ALDH5A1: variants seen among roughly 807,000 people sequenced by gnomAD.
The protein encoded by ALDH5A1 is succinate-semialdehyde dehydrogenase, mitochondrial.
In ALDH5A1, 33 loss-of-function variants were observed where a neutral mutation model predicts 54.7. The ratio of observed to expected loss-of-function variants is 0.60; its 90% CI spans 0.46 to 0.81. The LOEUF is 0.81. ALDH5A1 is among the 30% of genes least tolerant of loss of function. The pLI is 0.00. For synonymous variants in ALDH5A1, 294 were observed against 292.7 expected (o/e 1.00, Z -0.05); for missense variants, 657 against 711.0 (o/e 0.92, Z 0.86).
intron 8 of ALDH5A1, among the ~76,000 whole-genome samples, chr6:24,531,557 A>T (rs1759936319): frequency 6.6e-6 from 1 of 152,198 alleles, no homozygotes; most frequent in African/African-American, 2.4e-5. Context: ...ACAATTCTGG[A>T]ACAACAGAAA....
intron 7 of ALDH5A1, among the ~76,000 whole-genome samples, chr6:24,527,684 G>C (rs1158998582): frequency 7.2e-5 from 11 of 152,168 alleles, no homozygotes; most frequent in Admixed American, 6.5e-4. Context: ...AATAACCGCA[G>C]AATGCAATGA....
intron 4 of ALDH5A1, chr6:24,511,916 A>G (rs1280475697): frequency 1.7e-6 from 1 of 577,942 alleles, no homozygotes. Context: ...TTGTTTTTTC[A>G]TATTATCAGA....
At chr6:24,532,069 TC>T (rs779311735) in intron 8 of ALDH5A1, 49 bp from the exon 9 acceptor site, 1 of 1,561,034 alleles carries the variant, frequency 6.4e-7, no homozygotes, top group Non-Finnish European at 8.8e-7. Flanking sequence ...AAAACTGGTT[TC>T]CTTTCCTCTC....
chr6:24,532,260 G>A, intron 9 of ALDH5A1, 83 bp downstream of exon 9: 2 of 1,415,188 alleles, frequency 1.4e-6, no homozygotes, highest in Non-Finnish European at 2.0e-6. Flanking sequence ...ACATCACCCT[G>A]GGTTTTGAGA....
In ALDH5A1 at chr6:24,522,882, G is replaced by A; in HGVS notation, c.1130G>A (p.Gly377Glu). The A allele has an allele frequency of 6.2e-7, 1 of 1,614,032 alleles. No individual in the cohort carries two copies. The highest frequency in any genetic ancestry group is 8.5e-7 in the Non-Finnish European group (1 of 1,180,002). ...NLRVGNGFEE[G>E]TTQGPLINEK... The stretch of plus-strand genomic sequence containing the variant: ...CGCGTAGGTAATGGATTTGAGGAAG[G>A]AACTACTCAGGGCCCATTAATTAAT... The change falls in exon 7 of 10, where the codon GGA (glycine) becomes GAA (glutamate). Residue 377 changes from glycine (G) to glutamate (E), a missense_variant. Transcript: ENST00000357578.
intron 6 of ALDH5A1, among the ~76,000 whole-genome samples, chr6:24,521,037 GA>G (rs1759674499): frequency 6.6e-6 from 1 of 152,220 alleles, no homozygotes; most frequent in South Asian, 2.1e-4. Flanking sequence ...AAGAAAGTAA[GA>G]AAATGTTGAG....
intron 9 of ALDH5A1, among the ~76,000 whole-genome samples, 160 bp from the exon 10 acceptor site, chr6:24,533,347 G>A (rs1334742448): frequency 6.6e-6 from 1 of 152,112 alleles, no homozygotes; most frequent in East Asian, 1.9e-4. Context: ...GTTTTGAGAT[G>A]AAAAAGTGGA....
At chr6:24,526,251 A>G (rs1432598979) in intron 7 of ALDH5A1, among the ~76,000 whole-genome samples, 4 of 152,152 alleles carry the variant, frequency 2.6e-5, no homozygotes, top group Non-Finnish European at 5.9e-5. Context: ...AAAGATGAAC[A>G]ACCAAGGATC....
rs772101716 is a variant in ALDH5A1 at position 24,495,109 on chromosome 6, C to T, written c.113C>T (p.Ala38Val). The T allele has an allele frequency of 1.8e-5, 24 of 1,313,098 alleles. No homozygotes were observed. Among genetic ancestry groups the T allele is most frequent in the Middle Eastern group, 2.9e-4 (1 of 3,496 alleles). The allele number at this position is 1,313,098 out of a possible 1,614,324, so 81.3% of individuals were successfully genotyped here. Residue 38 changes from alanine to valine, a missense_variant, in exon 1 of 10, where the codon GCG becomes GTG. Physicochemically the swap from Ala to Val is moderately conservative, Grantham distance 64 (BLOSUM62 0). Transcript: ENST00000357578. ...AGGLVPASGP[A>V]PGPAQLRCYA... The stretch of plus-strand genomic sequence containing the variant: ...GGCCTGGTCCCTGCCTCCGGGCCTG[C>T]GCCCGGCCCGGCCCAGCTCCGCTGC...
intron 8 of ALDH5A1, among the ~76,000 whole-genome samples, chr6:24,530,276 C>G (rs1173348559): frequency 6.6e-6 from 1 of 152,124 alleles, no homozygotes; most frequent in Non-Finnish European, 1.5e-5. Context: ...TTTCCCATCC[C>G]TGATATCTCC....
chr6:24,532,601 G>A (rs2127390875), intron 9 of ALDH5A1, among the ~76,000 whole-genome samples: 1 of 152,292 alleles, frequency 6.6e-6, no homozygotes, highest in African/African-American at 2.4e-5. Context: ...AAGATGGTGT[G>A]TGCAGAGGTG....
intron 4 of ALDH5A1, among the ~76,000 whole-genome samples, chr6:24,514,618 T>A (rs1759525783): frequency 6.6e-6 from 1 of 151,914 alleles, no homozygotes; most frequent in Non-Finnish European, 1.5e-5. Context: ...TAATCCCAGC[T>A]ACTCGGAAGG....
chr6:24,503,163 G>A, intron 2 of ALDH5A1, 100 bp from the exon 3 acceptor site: 1 of 1,436,440 alleles, frequency 7.0e-7, no homozygotes, highest in Non-Finnish European at 9.5e-7. Context: ...CGTTATAGGA[G>A]ACTTTTCTAC....
In ALDH5A1 at chr6:24,502,511, T is replaced by C; in HGVS notation, c.355-12T>C. The C allele has an allele frequency of 1.3e-6, 2 of 1,595,688 alleles. No homozygotes were observed. The highest frequency in any genetic ancestry group is 1.7e-6 in the Non-Finnish European group (2 of 1,163,288). On this transcript the variant is annotated splice_polypyrimidine_tract_variant and intron_variant, in intron 1 of 9. Transcript: ENST00000357578. The stretch of plus-strand genomic sequence containing the variant: ...ATTTTATTACTTTTCTGCCTTGTTA[T>C]TTCTTTTGCAGGAGAGGAGTTCATT...
At chr6:24,504,329 A>G (rs933545967) in intron 3 of ALDH5A1, among the ~76,000 whole-genome samples, 6 of 152,242 alleles carry the variant, frequency 3.9e-5, no homozygotes, top group African/African-American at 1.4e-4. Context: ...TACTGTTATT[A>G]TAGGTATATG....
chr6:24,522,478 C>CGTGTGTGTGTGTGTGT (rs5874989), intron 6 of ALDH5A1, among the ~76,000 whole-genome samples: 3,481 of 134,556 alleles, frequency 0.026, 127 homozygotes, highest in African/African-American at 0.052. Flanking sequence ...TCTTTTCTTT[C>CGTGTGTGTGTGTGTGT]GTGTGTGTGT....
At chr6:24,520,187 C>T (rs1307090927) in intron 5 of ALDH5A1, among the ~76,000 whole-genome samples, 1 of 152,160 alleles carries the variant, frequency 6.6e-6, no homozygotes, top group Non-Finnish European at 1.5e-5. Context: ...TACAGGTGCA[C>T]ACTACCACAC....
At chr6:24,505,418 T>C (rs938481607) in intron 4 of ALDH5A1, among the ~76,000 whole-genome samples, 2 of 30,186 alleles carry the variant, frequency 6.6e-5, no homozygotes, top group African/African-American at 2.7e-4. Flanking sequence ...GCTTTCAAGG[T>C]CCTATGTCAC....
rs1554137632 is a variant in ALDH5A1 at position 24,522,501 on chromosome 6, G to GTGTGTGTGTGTGTGTGTA, written c.1015-263_1015-262insGTGTGTGTGTGTGTATGT. ...TTCGTGTGTGTGTGTGTGTGTGTGT[G>GTGTGTGTGTGTGTGTGTA]TGTACAGGTGCTTATTGCCAACTAA... On this transcript the variant is annotated intron_variant, in intron 6 of 9. Transcript: ENST00000357578. 415 of 362,374 alleles carry GTGTGTGTGTGTGTGTGTA rather than the reference G, an allele frequency of 1.1e-3. 4 individuals are homozygous for GTGTGTGTGTGTGTGTGTA. The highest frequency in any genetic ancestry group is 5.5e-3 in the African/African-American group (259 of 46,690). 22.4% of individuals were successfully genotyped at this position (362,374 alleles called of 1,614,324 possible). A position where few individuals can be genotyped will look rare whatever the true frequency, so the allele number is the denominator to read the frequency against.
Sources: allele counts gnomAD v4.1 joint callset (sites outside exome capture counted in the v4.1 genomes callset), GRCh38; gene constraint gnomAD v4.1.1; transcripts MANE v1.5; gene names NCBI Gene and HGNC (gene_info 2026-07-23, HGNC 2026-07-21).